GTF2E1: variants seen among roughly 807,000 people sequenced by gnomAD.
The protein encoded by GTF2E1 is TFIIE alpha subunit.
Under a neutral mutation model 34.9 loss-of-function variants are expected in GTF2E1, and 14 were observed. The observed-to-expected ratio is 0.40, with a 90% CI of 0.27 to 0.63. GTF2E1 has a LOEUF of 0.63. Among genes scored for constraint, GTF2E1 ranks in the 20% least tolerant of loss-of-function variants. GTF2E1 has a pLI of 0.39. For synonymous variants in GTF2E1, 188 were observed against 192.9 expected, an observed-to-expected ratio of 0.97 and a Z score of 0.21; for missense variants, 469 against 557.7, an observed-to-expected ratio of 0.84 and a Z score of 1.60.
intron 2 of GTF2E1, among the ~76,000 whole-genome samples, chr3:120,770,191 G>A (rs2107611471): frequency 6.6e-6 from 1 of 152,284 alleles, no homozygotes; most frequent in Middle Eastern, 3.4e-3. Context: ...GGCTAGTGGT[G>A]TAGACTGTTA....
rs769970859 is a variant in GTF2E1, at chr3:120,781,154, C to A, written c.1004C>A (p.Ala335Asp). Residue 335 changes from alanine to aspartate, a missense_variant, in exon 5 of 5, where the codon GCC (alanine) becomes GAC (aspartate). Ala to Asp is a moderately radical substitution (Grantham distance 126). Transcript: ENST00000283875. ...LLIHEKKTSS[A>D]MAGSVGAAAP... ...ATTCACGAGAAAAAGACTTCCTCTG[C>A]CATGGCTGGTTCAGTGGGGGCAGCT... 1 of 1,614,140 alleles carries A rather than the reference C, an allele frequency of 6.2e-7. No individual in the cohort carries two copies. Among genetic ancestry groups the A allele is most frequent in the Non-Finnish European group, 8.5e-7 (1 of 1,179,990 alleles).
At chr3:120,755,175 T>G (rs974719199) in intron 2 of GTF2E1, among the ~76,000 whole-genome samples, 1 of 152,078 alleles carries the variant, frequency 6.6e-6, no homozygotes, top group Non-Finnish European at 1.5e-5. Flanking sequence ...TAGTGATGAG[T>G]TCTGAGTTTG....
At chr3:120,746,799 A>G (rs896981296) in intron 1 of GTF2E1, among the ~76,000 whole-genome samples, 8 of 152,226 alleles carry the variant, frequency 5.3e-5, no homozygotes, top group Non-Finnish European at 7.4e-5. Flanking sequence ...CACTCTCTCT[A>G]TGAAAAGAAA....
chr3:120,765,411 C>T (rs1221872940), intron 2 of GTF2E1, among the ~76,000 whole-genome samples: 1 of 152,172 alleles, frequency 6.6e-6, no homozygotes, highest in Non-Finnish European at 1.5e-5. Flanking sequence ...AGGTATGTGA[C>T]AGGCACTTAT....
chr3:120,757,413 C>T (rs1709218407), intron 2 of GTF2E1, among the ~76,000 whole-genome samples: 1 of 151,170 alleles, frequency 6.6e-6, no homozygotes, highest in South Asian at 2.1e-4. Context: ...ATTAAATCTG[C>T]TTTTTTTTTC....
chr3:120,744,531 C>G (rs551320633), intron 1 of GTF2E1, among the ~76,000 whole-genome samples: 43 of 152,314 alleles, frequency 2.8e-4, no homozygotes, highest in African/African-American at 1.0e-3. Context: ...TCAGGGGTCA[C>G]CTATTTCTCA....
intron 2 of GTF2E1, among the ~76,000 whole-genome samples, chr3:120,754,978 T>C (rs924165380): frequency 6.6e-6 from 1 of 152,166 alleles, no homozygotes; most frequent in Non-Finnish European, 1.5e-5. Context: ...TATACATTGC[T>C]AGGCTGTTTT....
intron 2 of GTF2E1, among the ~76,000 whole-genome samples, chr3:120,756,290 G>C (rs1405405929): frequency 6.6e-6 from 1 of 152,056 alleles, no homozygotes; most frequent in East Asian, 1.9e-4. Context: ...CAGGACAGGA[G>C]GTATCTTATA....
chr3:120,748,011 C>G (rs1709123191), intron 1 of GTF2E1, among the ~76,000 whole-genome samples: 1 of 151,606 alleles, frequency 6.6e-6, no homozygotes, highest in Non-Finnish European at 1.5e-5. Context: ...TGATGGTGAG[C>G]ATTTTTTCAT....
chr3:120,781,071 G>A lies in GTF2E1; in HGVS notation c.921G>A (p.Glu307=), dbSNP rs752753897. 3 of 1,613,588 alleles carry A rather than the reference G, an allele frequency of 1.9e-6. No homozygotes were observed. Among genetic ancestry groups the A allele is most frequent in the African/African-American group, 1.3e-5 (1 of 74,922 alleles). The change falls in exon 5 of 5, where the codon GAG becomes GAA. Residue 307 remains glutamate, a synonymous_variant. Transcript: ENST00000283875. The part of the protein sequence containing the change: ...EGGIDMDAFQ[E]REEGHAGPDD... ...GCATAGATATGGACGCATTTCAGGA[G>A]CGTGAGGAAGGCCATGCTGGGCCTG... is the stretch of plus-strand genomic sequence containing the variant.
intron 2 of GTF2E1, among the ~76,000 whole-genome samples, chr3:120,753,846 ACT>A (rs1238969905): frequency 2.6e-5 from 4 of 151,892 alleles, no homozygotes; most frequent in Non-Finnish European, 5.9e-5. Context: ...TCTGGGTTGA[ACT>A]CTCTTCAAAT....
chr3:120,747,103 T>A (rs1192363420), intron 1 of GTF2E1, among the ~76,000 whole-genome samples: 2 of 151,942 alleles, frequency 1.3e-5, no homozygotes, highest in African/African-American at 4.8e-5. Context: ...GTTTTGTTTT[T>A]TTGTTTTGTT....
rs768211771 is a variant in GTF2E1, at chr3:120,770,849, G to C, written c.570G>C (p.Leu190Phe). ...AACAAATTGAGCCCATTTATGCATT[G>C]CTTCGGGAGACAGAGGATGTGAACT... The part of the protein sequence containing the change: ...FNEQIEPIYA[L>F]LRETEDVNLA... Residue 190 changes from leucine to phenylalanine, a missense_variant, in exon 3 of 5, where the codon TTG (leucine) becomes TTC (phenylalanine). Physicochemically the swap from Leu to Phe is conservative, Grantham distance 22. Transcript: ENST00000283875. 6.2e-7 allele frequency: 1 copy of C among 1,613,608 alleles called. No individual in the cohort carries two copies. The highest frequency in any genetic ancestry group is 8.5e-7 in the Non-Finnish European group (1 of 1,179,616).
At position 120,751,012 on chromosome 3, in the gene GTF2E1, C is replaced by T; in HGVS notation, c.448+12C>T. The stretch of plus-strand genomic sequence containing the variant: ...TGATCCTATGACAGGTGAGGTTTAT[C>T]CAGTTTGTGAATCTTTAAAATAAAG... On this transcript the variant is annotated intron_variant, in intron 2 of 4. Coordinates refer to ENST00000283875, the MANE Select transcript of GTF2E1 (RefSeq NM_005513.3). The T allele has an allele frequency of 6.4e-7, 1 of 1,551,334 alleles. No homozygotes were observed. The highest frequency in any genetic ancestry group is 8.8e-7 in the Non-Finnish European group (1 of 1,133,884).
intron 3 of GTF2E1, among the ~76,000 whole-genome samples, chr3:120,772,318 A>C (rs1293507219): frequency 6.6e-6 from 1 of 152,164 alleles, no homozygotes. Flanking sequence ...TAGACTAGTT[A>C]AGGTTTACCT....
intron 2 of GTF2E1, among the ~76,000 whole-genome samples, chr3:120,753,140 T>C: frequency 6.6e-6 from 1 of 152,140 alleles, no homozygotes; most frequent in East Asian, 1.9e-4. Context: ...TTTAAACTAT[T>C]AATACCCAAC....
intron 2 of GTF2E1, among the ~76,000 whole-genome samples, chr3:120,758,506 T>C (rs1313819584): frequency 6.6e-6 from 1 of 152,190 alleles, no homozygotes; most frequent in Non-Finnish European, 1.5e-5. Context: ...TGTGCCATGT[T>C]GGTTTGCTGC....
chr3:120,759,189 A>G (rs1709235999), intron 2 of GTF2E1, among the ~76,000 whole-genome samples: 1 of 152,072 alleles, frequency 6.6e-6, no homozygotes, highest in Non-Finnish European at 1.5e-5. Flanking sequence ...GCATTTTTTC[A>G]TATGTCATCT....
chr3:120,757,441 T>G (rs1559831072), intron 2 of GTF2E1, among the ~76,000 whole-genome samples: 1 of 152,068 alleles, frequency 6.6e-6, no homozygotes, highest in African/African-American at 2.4e-5. Flanking sequence ...TGCAGATGAA[T>G]GAGTATTTTG....
Sources: allele counts gnomAD v4.1 joint callset (sites outside exome capture counted in the v4.1 genomes callset), GRCh38; gene constraint gnomAD v4.1.1; transcripts MANE v1.5; gene names NCBI Gene and HGNC (gene_info 2026-07-23, HGNC 2026-07-21).